HEMK2: variants seen among roughly 807,000 people sequenced by gnomAD.
The protein encoded by HEMK2 is HemK methyltransferase 2, ETF1 glutamine and histone H4 lysine.
the HEMK2 span, among the ~76,000 whole-genome samples, chr21:28,843,034 A>G: frequency 6.6e-6 from 1 of 152,166 alleles, no homozygotes; most frequent in African/African-American, 2.4e-5. Flanking sequence ...ACTTATATTT[A>G]GACTTCCTTT....
chr21:28,860,980 G>T, the HEMK2 span, among the ~76,000 whole-genome samples: 2 of 152,210 alleles, frequency 1.3e-5, no homozygotes, highest in Admixed American at 6.5e-5. Flanking sequence ...TAGAAAAAGG[G>T]ATCCAAAGGC....
the HEMK2 span, among the ~76,000 whole-genome samples, chr21:28,623,755 T>G: frequency 3.9e-5 from 6 of 152,156 alleles, no homozygotes; most frequent in Admixed American, 3.3e-4. Context: ...ACACCGCATG[T>G]TCTCACTCAT....
At chr21:28,789,293 G>A in the HEMK2 span, among the ~76,000 whole-genome samples, 5 of 152,082 alleles carry the variant, frequency 3.3e-5, no homozygotes, top group Non-Finnish European at 7.4e-5. Flanking sequence ...GTTTGAGGAT[G>A]TAAGATTGGC....
chr21:28,871,287 C>G, the HEMK2 span, among the ~76,000 whole-genome samples: 2 of 152,072 alleles, frequency 1.3e-5, no homozygotes, highest in Non-Finnish European at 2.9e-5. Flanking sequence ...GCTGGGGAGG[C>G]CTCAGGAAGC....
the HEMK2 span, among the ~76,000 whole-genome samples, chr21:28,768,488 C>G: frequency 2.6e-5 from 4 of 152,062 alleles, no homozygotes; most frequent in African/African-American, 7.2e-5. Flanking sequence ...TCTCCATCAT[C>G]CCACACTCAA....
At chr21:28,775,040 G>A in the HEMK2 span, among the ~76,000 whole-genome samples, 1 of 152,154 alleles carries the variant, frequency 6.6e-6, no homozygotes, top group South Asian at 2.1e-4. Context: ...TATAAGGAAG[G>A]AGGCCCTTCA....
At chr21:28,715,438 C>A in the HEMK2 span, among the ~76,000 whole-genome samples, 5 of 151,942 alleles carry the variant, frequency 3.3e-5, no homozygotes, top group Non-Finnish European at 7.4e-5. Context: ...CACTTGTATA[C>A]CTCATTTTAA....
chr21:28,838,972 A>AAATATATATATATAT, the HEMK2 span, among the ~76,000 whole-genome samples: 2 of 29,158 alleles, frequency 6.9e-5, no homozygotes, highest in African/African-American at 3.9e-4. Context: ...AAAAAAAAAA[A>AAATATATATATATAT]ATATATATAT....
the HEMK2 span, among the ~76,000 whole-genome samples, chr21:28,664,668 A>G: frequency 1.2e-4 from 18 of 152,274 alleles, no homozygotes; most frequent in South Asian, 2.1e-4. Flanking sequence ...CTAGCAGACT[A>G]TACCTTCAGG....
chr21:28,862,032 G>A, the HEMK2 span, among the ~76,000 whole-genome samples: 55 of 152,302 alleles, frequency 3.6e-4, 1 homozygote, highest in African/African-American at 1.3e-3. Context: ...CTACCTTTAA[G>A]TCAACACACT....
chr21:28,605,990 A>C, the HEMK2 span, among the ~76,000 whole-genome samples: 2 of 152,112 alleles, frequency 1.3e-5, no homozygotes, highest in Non-Finnish European at 2.9e-5. Flanking sequence ...AATATGTTAA[A>C]GTAAAATTTT....
the HEMK2 span, among the ~76,000 whole-genome samples, chr21:28,785,727 C>A: frequency 6.6e-6 from 1 of 152,180 alleles, no homozygotes; most frequent in Non-Finnish European, 1.5e-5. Flanking sequence ...CCCCAGCCGA[C>A]ACTCAGTCAT....
At chr21:28,650,732 A>T in the HEMK2 span, among the ~76,000 whole-genome samples, 1 of 152,102 alleles carries the variant, frequency 6.6e-6, no homozygotes, top group Non-Finnish European at 1.5e-5. Context: ...TAGTCTTGAG[A>T]AGGAAGAGGT....
the HEMK2 span, among the ~76,000 whole-genome samples, chr21:28,828,540 GT>G: frequency 6.6e-6 from 1 of 152,176 alleles, no homozygotes; most frequent in South Asian, 2.1e-4. Context: ...GCAGCCTTCA[GT>G]TTTTTCTAAA....
the HEMK2 span, among the ~76,000 whole-genome samples, chr21:28,690,688 C>T: frequency 6.6e-6 from 1 of 152,214 alleles, no homozygotes; most frequent in Admixed American, 6.5e-5. Flanking sequence ...CACTCTCTTG[C>T]CTTTACAGTA....
the HEMK2 span, among the ~76,000 whole-genome samples, chr21:28,676,057 G>C: frequency 0.18 from 27,848 of 152,138 alleles, 2,753 homozygotes; most frequent in East Asian, 0.38. Flanking sequence ...CAGAGCCAAA[G>C]CTCAGCAGCA....
chr21:28,826,940 TG>T, the HEMK2 span, among the ~76,000 whole-genome samples: 1 of 152,116 alleles, frequency 6.6e-6, no homozygotes, highest in African/African-American at 2.4e-5. Context: ...GTAAGTAGGC[TG>T]AAACAGAGGG....
the HEMK2 span, among the ~76,000 whole-genome samples, chr21:28,840,368 A>T: frequency 6.6e-6 from 1 of 152,188 alleles, no homozygotes; most frequent in Non-Finnish European, 1.5e-5. Context: ...AATAGCTGGG[A>T]CCTAATTAAA....
the HEMK2 span, among the ~76,000 whole-genome samples, chr21:28,725,650 A>G: frequency 1.3e-5 from 2 of 152,222 alleles, no homozygotes; most frequent in Non-Finnish European, 2.9e-5. Flanking sequence ...CTCAGACCCC[A>G]GTTACTGTCA....
Sources: allele counts gnomAD v4.1 joint callset (sites outside exome capture counted in the v4.1 genomes callset), GRCh38; gene constraint gnomAD v4.1.1; transcripts MANE v1.5; gene names NCBI Gene and HGNC (gene_info 2026-07-23, HGNC 2026-07-21).